The following CAMKMT variants were observed in gnomAD, a reference collection of about 807,000 sequenced individuals.
The protein encoded by CAMKMT is calmodulin-lysine N-methyltransferase.
In CAMKMT, 53 loss-of-function variants were observed where a neutral mutation model predicts 48.0. That is an observed-to-expected ratio of 1.10 (90% CI 0.89 to 1.39). The LOEUF (loss-of-function observed/expected upper bound fraction) is 1.39. Among genes scored for constraint, CAMKMT ranks in the 40% most tolerant of loss-of-function variants. CAMKMT has a pLI of 0.00. For synonymous variants in CAMKMT, 165 were observed against 152.3 expected (o/e 1.08, Z -0.61); for missense variants, 428 against 402.7 (o/e 1.06, Z -0.54).
intron 3 of CAMKMT, among the ~76,000 whole-genome samples, chr2:44,576,005 G>A (rs562586893): frequency 6.6e-6 from 1 of 152,074 alleles, no homozygotes; most frequent in East Asian, 1.9e-4. Context: ...ACTGGTCTCA[G>A]AGAAGTTGAG....
chr2:44,580,076 A>T (rs1349434864), intron 3 of CAMKMT, among the ~76,000 whole-genome samples: 1 of 152,054 alleles, frequency 6.6e-6, no homozygotes, highest in Non-Finnish European at 1.5e-5. Flanking sequence ...GGATTCTTGT[A>T]CCCTACCTCT....
chr2:44,384,327 G>GT (rs1558561081), intron 2 of CAMKMT, among the ~76,000 whole-genome samples: 1 of 151,620 alleles, frequency 6.6e-6, no homozygotes, highest in African/African-American at 2.4e-5. Context: ...GGGATTGTTT[G>GT]TTTTTTTCTT....
chr2:44,394,391 G>C (rs999848593), intron 3 of CAMKMT, among the ~76,000 whole-genome samples: 2 of 150,622 alleles, frequency 1.3e-5, no homozygotes, highest in Non-Finnish European at 2.9e-5. Flanking sequence ...TGTGACAGTG[G>C]TGATTTTTGT....
At position 44,645,814 on chromosome 2, in the gene CAMKMT, C is replaced by G. The variant is rs138766864; in HGVS notation, c.377-58469C>G. On this transcript the variant is annotated intron_variant, in intron 3 of 10. Coordinates refer to ENST00000378494, the MANE Select transcript of CAMKMT (RefSeq NM_024766.5). ...CCAGCCTGGGCAACAGAGCAAGACT[C>G]CATCTCAAAAGGAATCTAAGAGGAG... 3.7e-4 allele frequency among the ~76,000 whole-genome samples: 56 copies of G among 152,264 alleles called. 1 individual carries two copies. In the East Asian group the frequency reaches 9.7e-3, roughly 26 times the overall value.
chr2:44,418,215 G>A (rs1486770598), intron 3 of CAMKMT, among the ~76,000 whole-genome samples: 20 of 146,062 alleles, frequency 1.4e-4, no homozygotes, highest in Non-Finnish European at 1.4e-4. Context: ...AAAAAGAATT[G>A]TAAGAGCTTA....
intron 3 of CAMKMT, among the ~76,000 whole-genome samples, chr2:44,413,455 C>A (rs1251316015): frequency 6.6e-6 from 1 of 151,928 alleles, no homozygotes; most frequent in Non-Finnish European, 1.5e-5. Context: ...AGTTCAAGAC[C>A]AGCCTGGACA....
chr2:44,673,845 C>T (rs2104142223), intron 3 of CAMKMT, among the ~76,000 whole-genome samples: 1 of 152,282 alleles, frequency 6.6e-6, no homozygotes, highest in African/African-American at 2.4e-5. Context: ...AGATTAAATA[C>T]TTCTTCAGGG....
rs1042880510 is a variant in CAMKMT at position 44,771,168 on chromosome 2, T to G, written c.895-868T>G. ...TTTAGGGTGGGTGGAGTGGGTGGTG[T>G]TTGACTAATTTAAACAATAAAGGAA... On this transcript the variant is annotated intron_variant, in intron 10 of 10. Coordinates refer to ENST00000378494, the MANE Select transcript of CAMKMT (RefSeq NM_024766.5). Among the ~76,000 whole-genome samples, 5 of 152,152 alleles carry G rather than the reference T, an allele frequency of 3.3e-5. 1 individual carries two copies. Among genetic ancestry groups the G allele is most frequent in the African/African-American group, 1.2e-4 (5 of 41,434 alleles).
intron 3 of CAMKMT, among the ~76,000 whole-genome samples, chr2:44,429,093 A>T (rs1358797138): frequency 6.6e-6 from 1 of 152,186 alleles, no homozygotes; most frequent in African/African-American, 2.4e-5. Flanking sequence ...CTCTTCTTAC[A>T]GGGCTCCTTG....
intron 3 of CAMKMT, among the ~76,000 whole-genome samples, chr2:44,397,291 T>C (rs1681944714): frequency 2.0e-5 from 3 of 152,100 alleles, no homozygotes; most frequent in Non-Finnish European, 2.9e-5. Flanking sequence ...TTATAAGTTG[T>C]GTTACAAAAT....
intron 2 of CAMKMT, among the ~76,000 whole-genome samples, chr2:44,381,425 G>T (rs1490988822): frequency 6.6e-6 from 1 of 152,116 alleles, no homozygotes; most frequent in African/African-American, 2.4e-5. Context: ...GCAAGAAGAA[G>T]AGAATATTCT....
In CAMKMT at chr2:44,603,579, C is replaced by T. The variant is rs373022530; in HGVS notation, c.377-100704C>T. ...GGCTAAGGTCAGCTGAGTGATTTTT[C>T]TGCTTACTTCACTAGAGTTTTTCAT... On this transcript the variant is annotated intron_variant, in intron 3 of 10. Transcript: ENST00000378494. Among the ~76,000 whole-genome samples the T allele has an allele frequency of 1.5e-4, 23 of 152,284 alleles. No individual in the cohort carries two copies. In the East Asian group the frequency reaches 2.3e-3, roughly 15 times the overall value.
At chr2:44,542,537 A>ACACT (rs1237950640) in intron 3 of CAMKMT, among the ~76,000 whole-genome samples, 58 of 67,984 alleles carry the variant, frequency 8.5e-4, no homozygotes, top group East Asian at 6.9e-3. Flanking sequence ...ACACACACAC[A>ACACT]CTCTCTCTCT....
At chr2:44,417,199 C>T (rs1453749414) in intron 3 of CAMKMT, among the ~76,000 whole-genome samples, 1 of 151,954 alleles carries the variant, frequency 6.6e-6, no homozygotes, top group Non-Finnish European at 1.5e-5. Context: ...CAAGACCAGC[C>T]TGACCAACAT....
intron 3 of CAMKMT, among the ~76,000 whole-genome samples, chr2:44,461,992 A>G (rs899785404): frequency 1.3e-4 from 20 of 152,186 alleles, no homozygotes; most frequent in Non-Finnish European, 2.9e-5. Flanking sequence ...GTGTGATGTC[A>G]AGTAGCAAAT....
intron 3 of CAMKMT, among the ~76,000 whole-genome samples, chr2:44,511,639 A>G (rs1038832297): frequency 6.6e-6 from 1 of 152,142 alleles, no homozygotes; most frequent in Non-Finnish European, 1.5e-5. Flanking sequence ...TACATTCTTA[A>G]TCGTTACATT....
intron 3 of CAMKMT, among the ~76,000 whole-genome samples, chr2:44,526,565 G>C (rs1348628892): frequency 6.6e-6 from 1 of 152,190 alleles, no homozygotes; most frequent in South Asian, 2.1e-4. Flanking sequence ...TGAGTCCGAA[G>C]GTCCAAGAAC....
chr2:44,763,046 T>C (rs1292396968), intron 9 of CAMKMT, among the ~76,000 whole-genome samples: 1 of 152,222 alleles, frequency 6.6e-6, no homozygotes, highest in Admixed American at 6.5e-5. Flanking sequence ...GATGGTACTG[T>C]TCCCCCTGTG....
intron 9 of CAMKMT, among the ~76,000 whole-genome samples, chr2:44,756,516 C>T (rs931697039): frequency 5.9e-5 from 9 of 151,724 alleles, no homozygotes; most frequent in Non-Finnish European, 1.0e-4. Flanking sequence ...CCGAGGCGGG[C>T]GGATCACAAG....
Sources: allele counts gnomAD v4.1 joint callset (sites outside exome capture counted in the v4.1 genomes callset), GRCh38; gene constraint gnomAD v4.1.1; transcripts MANE v1.5; gene names NCBI Gene and HGNC (gene_info 2026-07-23, HGNC 2026-07-21).